ZFYVE27: variants seen among roughly 807,000 people sequenced by gnomAD.
The protein encoded by ZFYVE27 is zinc finger FYVE-type containing 27, also known as protrudin.
Under a neutral mutation model 52.8 loss-of-function variants are expected in ZFYVE27, and 36 were observed. The observed-to-expected ratio is 0.68, with a 90% CI of 0.52 to 0.90. The LOEUF is 0.90. Ranked by LOEUF, ZFYVE27 falls within the 40% of genes least tolerant of loss-of-function variation. ZFYVE27 has a pLI of 0.00. For missense variants in ZFYVE27, 450 were observed against 527.2 expected, an observed-to-expected ratio of 0.85 and a Z score of 1.43; for synonymous variants, 223 against 215.6, an observed-to-expected ratio of 1.03 and a Z score of -0.30.
intron 12 of ZFYVE27, 179 bp downstream of exon 12, chr10:97,757,902 T>G (rs1040864076): frequency 7.1e-5 from 43 of 604,830 alleles, no homozygotes; most frequent in Non-Finnish European, 1.2e-4. Context: ...TGCCGAAGAA[T>G]AGATATGATG....
Position 97,759,426 on chromosome 10 carries a change from C to G in ZFYVE27, c.*126C>G. The G allele has an allele frequency of 1.1e-6, 1 of 937,478 alleles. No homozygotes were observed. The highest frequency in any genetic ancestry group is 1.7e-6 in the Non-Finnish European group (1 of 585,360). The allele number at this position is 937,478 out of a possible 1,614,324, so 58.1% of individuals were successfully genotyped here. A position where few individuals can be genotyped will look rare whatever the true frequency, so the allele number is the denominator to read the frequency against. ...GTGGCCTGAATGCTAGGTAGGCTTC[C>G]CCTTCCTTCCTCACTCTCTCCAGCT... On this transcript the variant is annotated 3_prime_UTR_variant, in exon 13 of 13. Transcript: ENST00000684270.
intron 1 of ZFYVE27, among the ~76,000 whole-genome samples, chr10:97,737,526 TC>T (rs2135841456): frequency 6.6e-6 from 1 of 152,356 alleles, no homozygotes; most frequent in African/African-American, 2.4e-5. Context: ...CCTCGCCCCT[TC>T]CTGGGCTCAT....
At chr10:97,746,049 ATAT>A (rs1219227156) in intron 4 of ZFYVE27, among the ~76,000 whole-genome samples, 3,246 of 34,960 alleles carry the variant, frequency 0.093, 37 homozygotes, top group Non-Finnish European at 0.15. Context: ...ATATATATAT[ATAT>A]TTTTTTTTTT....
At chr10:97,743,252 C>A in intron 3 of ZFYVE27, 88 bp downstream of exon 3, 1 of 1,451,326 alleles carries the variant, frequency 6.9e-7, no homozygotes, top group Non-Finnish European at 9.7e-7. Context: ...TGTGTGGGAG[C>A]TGCTCTTGTT....
Position 97,738,514 on chromosome 10 carries a change from C to G in ZFYVE27, c.37C>G (p.Leu13Val), listed in dbSNP as rs748886337. The G allele has an allele frequency of 3.1e-5, 50 of 1,614,070 alleles. No individual in the cohort carries two copies. In the East Asian group the frequency reaches 1.1e-3, roughly 35 times the overall value. The stretch of plus-strand genomic sequence containing the variant: ...AGAACGTGAGGGGAGTGGGCCGGAG[C>G]TGAGCCCCAGCGTGATGCCCGAGGC... ...TSEREGSGPE[L>V]SPSVMPEAPL... is the part of the protein sequence containing the mutation. Residue 13 changes from leucine to valine, a missense_variant, in exon 2 of 13, where the codon CTG becomes GTG. By Grantham distance (32) the Leu-to-Val change is conservative (BLOSUM62 1). Coordinates refer to ENST00000684270, the MANE Select transcript of ZFYVE27 (RefSeq NM_001385875.1).
rs113339084 is a variant in ZFYVE27 at position 97,751,615 on chromosome 10, C to T, written c.876+153C>T. Among the ~76,000 whole-genome samples, 64 of 152,252 alleles carry T rather than the reference C, an allele frequency of 4.2e-4. 1 individual carries two copies. Among genetic ancestry groups the T allele is most frequent in the Admixed American group, 1.4e-3 (21 of 15,288 alleles). ...TGGTTGAAAGAGTGCCACTGAACCC[C>T]TCCCCACTCCTGTTTCTGGTTGAGC... On this transcript the variant is annotated intron_variant, in intron 8 of 12. Coordinates refer to ENST00000684270, the MANE Select transcript of ZFYVE27 (RefSeq NM_001385875.1).
In ZFYVE27 at chr10:97,750,442, A is replaced by G; in HGVS notation, c.776A>G (p.Asp259Gly). The G allele has an allele frequency of 6.2e-7, 1 of 1,614,138 alleles. No individual in the cohort carries two copies. Among genetic ancestry groups the G allele is most frequent in the Non-Finnish European group, 8.5e-7 (1 of 1,180,024 alleles). ...PDVGGKDGLM[D>G]STPALTPTED... ...GTTGGGGGGAAGGATGGTCTGATGG[A>G]CAGCACGCCTGCCCTCACACCCACG... Residue 259 changes from aspartate (D) to glycine (G), a missense_variant, in exon 7 of 13, where the codon GAC (aspartate) becomes GGC (glycine). Asp to Gly is a moderately conservative substitution (Grantham distance 94). Coordinates refer to ENST00000684270, the MANE Select transcript of ZFYVE27 (RefSeq NM_001385875.1).
rs1469003413 is a variant in ZFYVE27, at chr10:97,754,844, A to G, written c.1042+1662A>G. ...CAGCAAATAATTTGTCTATTTCTAC[A>G]ACTTCTAAGTAAAGGTACTTAGCTG... is the stretch of plus-strand genomic sequence containing the variant. On this transcript the variant is annotated intron_variant, in intron 10 of 12. Coordinates refer to ENST00000684270, the MANE Select transcript of ZFYVE27 (RefSeq NM_001385875.1). 3.1e-6 allele frequency: 4 copies of G among 1,287,952 alleles called. No homozygotes were observed. In the East Asian group the frequency reaches 2.2e-4, roughly 72 times the overall value. 79.8% of individuals were successfully genotyped at this position (1,287,952 alleles called of 1,614,324 possible).
At chr10:97,742,776 T>C (rs1235566126) in intron 2 of ZFYVE27, among the ~76,000 whole-genome samples, 1 of 152,218 alleles carries the variant, frequency 6.6e-6, no homozygotes, top group Non-Finnish European at 1.5e-5. Flanking sequence ...GTGTCACCTC[T>C]TAAGGAGAAT....
In ZFYVE27 at chr10:97,749,581, T is replaced by C; in HGVS notation, c.659T>C (p.Phe220Ser). Residue 220 changes from phenylalanine (F) to serine (S), a missense_variant, in exon 6 of 13, where the codon TTC (phenylalanine) becomes TCC (serine). Phe to Ser is a radical substitution (Grantham distance 155). Coordinates refer to ENST00000684270, the MANE Select transcript of ZFYVE27 (RefSeq NM_001385875.1). ...CTCTTTCTGGGGAATGTGGAGTTCT[T>C]CCGAGGTAAGCCCTGAAGGGCCTGA... is the stretch of plus-strand genomic sequence containing the variant. Reference protein sequence around the residue: ...STLFLGNVEFFRVVSEYRASL... With the variant: ...STLFLGNVEFSRVVSEYRASL... 1 of 1,614,038 alleles carries C rather than the reference T, an allele frequency of 6.2e-7. No individual in the cohort carries two copies. The highest frequency in any genetic ancestry group is 8.5e-7 in the Non-Finnish European group (1 of 1,179,886).
rs2047445905 is a variant in ZFYVE27 at position 97,753,198 on chromosome 10, A to G, written c.1042+16A>G. The G allele has an allele frequency of 1.2e-6, 2 of 1,604,724 alleles. No individual in the cohort carries two copies. Among genetic ancestry groups the G allele is most frequent in the Middle Eastern group, 1.7e-4 (1 of 6,020 alleles). On this transcript the variant is annotated intron_variant, in intron 10 of 12. Coordinates refer to ENST00000684270, the MANE Select transcript of ZFYVE27 (RefSeq NM_001385875.1). ...AACAACTTCGGTGCGGCCAGGGGACAGGGCTGGGCTGGTGGGGGAGTGGGG... is the reference window on the plus strand; with the variant it reads ...AACAACTTCGGTGCGGCCAGGGGACGGGGCTGGGCTGGTGGGGGAGTGGGG...
chr10:97,750,684 C>T (rs1207477528), intron 7 of ZFYVE27, among the ~76,000 whole-genome samples: 2 of 152,016 alleles, frequency 1.3e-5, no homozygotes, highest in African/African-American at 4.8e-5. Flanking sequence ...GCTCCAAGTG[C>T]TTTATAGATA....
chr10:97,750,023 C>T (rs575053799), intron 6 of ZFYVE27: 10 of 438,076 alleles, frequency 2.3e-5, no homozygotes, highest in Admixed American at 1.4e-4. Context: ...CGCAGAGGCC[C>T]GAGTCTGTAC....
In ZFYVE27 at chr10:97,759,594, C is replaced by T. The variant is rs1279401180; in HGVS notation, c.*294C>T. The T allele has an allele frequency of 1.5e-5, 7 of 481,106 alleles. No homozygotes were observed. Among genetic ancestry groups the T allele is most frequent in the Non-Finnish European group, 2.7e-5 (7 of 260,946 alleles). 29.8% of individuals were successfully genotyped at this position (481,106 alleles called of 1,614,324 possible). A position where few individuals can be genotyped will look rare whatever the true frequency, so the allele number is the denominator to read the frequency against. On this transcript the variant is annotated 3_prime_UTR_variant, in exon 13 of 13. Coordinates refer to ENST00000684270, the MANE Select transcript of ZFYVE27 (RefSeq NM_001385875.1). ...GCGAGTGGACTTAGGGCTGGGCAGG[C>T]AGTAGCCACCAGAGGGCAGCAGCGA...
rs759382355 is a variant in ZFYVE27, at chr10:97,749,444, C to G, written c.552-30C>G. 5 of 1,576,144 alleles carry G rather than the reference C, an allele frequency of 3.2e-6. No homozygotes were observed. In the South Asian group the frequency reaches 5.5e-5, roughly 17 times the overall value. ...CGTCTCCTTCTGCTGTTACGAATTT[C>G]TGATCTTGTGGTTCTTCCCTGTCAT... On this transcript the variant is annotated intron_variant, in intron 5 of 12. Transcript: ENST00000684270.
At chr10:97,741,431 G>C (rs535308062) in intron 2 of ZFYVE27, among the ~76,000 whole-genome samples, 1 of 152,216 alleles carries the variant, frequency 6.6e-6, no homozygotes, top group East Asian at 1.9e-4. Context: ...ACTATGTGCA[G>C]CCATGAAAAA....
intron 12 of ZFYVE27, 153 bp downstream of exon 12, chr10:97,757,876 T>G (rs2048788867): frequency 4.6e-6 from 3 of 657,422 alleles, no homozygotes; most frequent in Non-Finnish European, 5.4e-6. Context: ...AGCAAAATCC[T>G]GAAACATTTG....
At chr10:97,740,957 G>C (rs1156724394) in intron 2 of ZFYVE27, among the ~76,000 whole-genome samples, 1 of 152,176 alleles carries the variant, frequency 6.6e-6, no homozygotes, top group Non-Finnish European at 1.5e-5. Context: ...TAAAATGAAA[G>C]TGACTTGAGT....
rs2049354185 is a variant in ZFYVE27 at position 97,760,895 on chromosome 10, C to G, written c.*1595C>G. The stretch of plus-strand genomic sequence containing the variant: ...TTGTCAATAAAAAGGCCTCAAGCTT[C>G]TTGTTTTTGTCATGTCTTTGTGTTG... On this transcript the variant is annotated 3_prime_UTR_variant, in exon 13 of 13. Transcript: ENST00000684270. 6.6e-6 allele frequency: 1 copy of G among 152,284 alleles called. No individual in the cohort carries two copies. Among genetic ancestry groups the G allele is most frequent in the Non-Finnish European group, 1.5e-5 (1 of 68,090 alleles). 9.4% of individuals were successfully genotyped at this position (152,284 alleles called of 1,614,324 possible).
Sources: allele counts gnomAD v4.1 joint callset (sites outside exome capture counted in the v4.1 genomes callset), GRCh38; gene constraint gnomAD v4.1.1; transcripts MANE v1.5; gene names NCBI Gene and HGNC (gene_info 2026-07-23, HGNC 2026-07-21).